Variants in RBL2 observed in about 807,000 individuals in gnomAD.
RBL2 encodes the protein retinoblastoma-like protein 2.
A neutral mutation model predicts 126.0 loss-of-function variants in RBL2; 56 were observed. The observed-to-expected ratio is 0.44, with a 90% CI of 0.36 to 0.56. RBL2 has a LOEUF of 0.56. RBL2 is among the 20% of genes least tolerant of loss of function. The pLI is 0.00. For synonymous variants in RBL2, 454 were observed against 478.5 expected (o/e 0.95, Z 0.67); for missense variants, 1,229 against 1,398.2 (o/e 0.88, Z 1.93).
At chr16:53,453,816 T>A (rs533009004) in intron 7 of RBL2, 47 bp downstream of exon 7, 120 of 1,439,100 alleles carry the variant, frequency 8.3e-5, no homozygotes, top group Admixed American at 7.1e-4. Flanking sequence ...ATTGTATACT[T>A]AGGAAACTTC....
Position 53,435,736 on chromosome 16 carries a change from C to T in RBL2, c.240+940C>T, listed in dbSNP as rs769360524. 9 of 1,287,962 alleles carry T rather than the reference C, an allele frequency of 7.0e-6. 1 individual carries two copies. The highest frequency in any genetic ancestry group is 2.1e-4 in the Middle Eastern group (1 of 4,692). The allele number at this position is 1,287,962 out of a possible 1,614,324, so 79.8% of individuals were successfully genotyped here. A position where few individuals can be genotyped will look rare whatever the true frequency, so the allele number is the denominator to read the frequency against. ...GGCAAATAGGTCCAGGATGCAAAGC[C>T]TAACCAAGGTATTATTTAAATATGA... On this transcript the variant is annotated intron_variant, in intron 1 of 21. Coordinates refer to ENST00000262133, the MANE Select transcript of RBL2 (RefSeq NM_005611.4).
Position 53,479,991 on chromosome 16 carries a change from A to T in RBL2, c.2881A>T (p.Thr961Ser). The change falls in exon 19 of 22, where the codon ACC becomes TCC. Residue 961 changes from threonine (T) to serine (S), a missense_variant and splice_region_variant. By Grantham distance (58) the Thr-to-Ser change is moderately conservative. Around this residue, in one of 2 missense-constraint regions of RBL2, gnomAD observed 1,070 missense variants for 1,274.3 expected, o/e 0.84. Coordinates refer to ENST00000262133, the MANE Select transcript of RBL2 (RefSeq NM_005611.4). Reference protein sequence around the residue: ...NSPTELNKDRTSRDSSPVMRS... With the variant: ...NSPTELNKDRSSRDSSPVMRS... ...TCCAACAGAACTAAACAAAGATAGA[A>T]GTAAGTGGGATCTTTGTGAACTACA... 6.3e-7 allele frequency: 1 copy of T among 1,579,866 alleles called. No homozygotes were observed. Among genetic ancestry groups the T allele is most frequent in the Non-Finnish European group, 8.6e-7 (1 of 1,157,200 alleles).
intron 2 of RBL2, among the ~76,000 whole-genome samples, chr16:53,439,623 T>C (rs945176121): frequency 2.0e-5 from 3 of 152,166 alleles, no homozygotes; most frequent in African/African-American, 7.2e-5. Context: ...GGGTCAAATA[T>C]GTTTAAAAGA....
rs1377226674 is a variant in RBL2, at chr16:53,461,870, T to C, written c.1456+20T>C. On this transcript the variant is annotated intron_variant, in intron 10 of 21. Coordinates refer to ENST00000262133, the MANE Select transcript of RBL2 (RefSeq NM_005611.4). ...CTAAAGGTAAGGTTTAACATTGTTA[T>C]TCTGCTTTTATGTTTGAAGTTTAAC... 1.3e-6 allele frequency: 2 copies of C among 1,574,298 alleles called. No homozygotes were observed. The highest frequency in any genetic ancestry group is 1.7e-4 in the Middle Eastern group (1 of 5,976).
At chr16:53,449,592 A>G (rs1046426016) in intron 4 of RBL2, 3 of 150,950 alleles carry the variant, frequency 2.0e-5, no homozygotes, top group African/African-American at 7.3e-5. Context: ...TCTCGAAAAA[A>G]AAAAAAAAAA....
chr16:53,457,257 G>GTTTTTTTTTTTTTTTTT (rs1555566417), intron 8 of RBL2, among the ~76,000 whole-genome samples: 10 of 70,592 alleles, frequency 1.4e-4, no homozygotes, highest in African/African-American at 4.4e-4. Flanking sequence ...GGTACAGATA[G>GTTTTTTTTTTTTTTTTT]CTTTTTTTTT....
chr16:53,485,347 T>C (rs1327076307), intron 21 of RBL2, among the ~76,000 whole-genome samples: 2 of 152,188 alleles, frequency 1.3e-5, no homozygotes, highest in South Asian at 2.1e-4. Context: ...TTAGAAAATA[T>C]TTTGAACTAA....
At chr16:53,435,530 A>G (rs978164608) in intron 1 of RBL2, 1 of 1,181,468 alleles carries the variant, frequency 8.5e-7, no homozygotes, top group Non-Finnish European at 1.1e-6. Flanking sequence ...CTTGCAGATG[A>G]GAAAAATGGC....
At chr16:53,464,391 G>T in intron 12 of RBL2, 28 bp downstream of exon 12, 2 of 1,527,932 alleles carry the variant, frequency 1.3e-6, no homozygotes, top group Non-Finnish European at 1.8e-6. Flanking sequence ...ATACTAATGG[G>T]GATATTGTAG....
rs1369540045 is a variant in RBL2 at position 53,464,208 on chromosome 16, A to G, written c.1561-18A>G. 4 of 1,524,496 alleles carry G rather than the reference A, an allele frequency of 2.6e-6. No homozygotes were observed. The African/African-American group carries it at 5.7e-5, about 22-fold the overall frequency. 94.4% of individuals were successfully genotyped at this position (1,524,496 alleles called of 1,614,324 possible). On this transcript the variant is annotated intron_variant, in intron 11 of 21. Coordinates refer to ENST00000262133, the MANE Select transcript of RBL2 (RefSeq NM_005611.4). ...AGACTAAGTAAATGTTTCTAATGCT[A>G]ATAACTTTATTTTATAGGGTATTCT...
intron 17 of RBL2, among the ~76,000 whole-genome samples, chr16:53,472,381 G>A (rs1319778516): frequency 3.3e-5 from 5 of 152,164 alleles, no homozygotes. Flanking sequence ...ATTGCTACCA[G>A]TAATGCACAA....
intron 21 of RBL2, chr16:53,487,508 T>C (rs1219408262): frequency 1.3e-5 from 2 of 152,162 alleles, no homozygotes; most frequent in African/African-American, 4.8e-5. Context: ...AATAGTAAAC[T>C]TGTTCCCATA....
intron 4 of RBL2, among the ~76,000 whole-genome samples, chr16:53,447,729 A>G (rs1283172159): frequency 6.6e-6 from 1 of 151,182 alleles, no homozygotes; most frequent in African/African-American, 2.5e-5. Flanking sequence ...ACTGCAGCCT[A>G]CACCTCCCAG....
chr16:53,478,513 T>C (rs2150822685), intron 17 of RBL2, among the ~76,000 whole-genome samples: 1 of 149,918 alleles, frequency 6.7e-6, no homozygotes, highest in East Asian at 2.0e-4. Flanking sequence ...GTTCCTCAGA[T>C]CACACAATCT....
chr16:53,484,028 TAAG>T (rs1404423528), intron 21 of RBL2, among the ~76,000 whole-genome samples: 1 of 151,706 alleles, frequency 6.6e-6, no homozygotes, highest in African/African-American at 2.4e-5. Flanking sequence ...CGATTCTGAA[TAAG>T]AAGACCAAAT....
At chr16:53,485,366 G>A (rs1386063004) in intron 21 of RBL2, among the ~76,000 whole-genome samples, 1 of 152,132 alleles carries the variant, frequency 6.6e-6, no homozygotes, top group Non-Finnish European at 1.5e-5. Context: ...AAATGAAAAT[G>A]AAAATCCAAA....
chr16:53,437,109 A>G (rs983071241), intron 1 of RBL2, among the ~76,000 whole-genome samples: 3 of 151,886 alleles, frequency 2.0e-5, no homozygotes, highest in Non-Finnish European at 2.9e-5. Flanking sequence ...GAGCCAAAAT[A>G]GAACATTATA....
chr16:53,447,474 T>G (rs1031124810), intron 4 of RBL2, among the ~76,000 whole-genome samples: 1 of 152,206 alleles, frequency 6.6e-6, no homozygotes, highest in Non-Finnish European at 1.5e-5. Context: ...CTGATCAACC[T>G]CAGAGCTGTT....
rs1380021794 is a variant in RBL2, at chr16:53,490,897, G to A, written c.*597G>A. ...CAGTGTGAAAAGTCCTTGATTGTTC[G>A]GGTGTGCAATGTCTGAGTGAACCTG... On this transcript the variant is annotated 3_prime_UTR_variant, in exon 22 of 22. Coordinates refer to ENST00000262133, the MANE Select transcript of RBL2 (RefSeq NM_005611.4). 6.6e-6 allele frequency: 1 copy of A among 152,528 alleles called. No homozygotes were observed. The highest frequency in any genetic ancestry group is 1.5e-5 in the Non-Finnish European group (1 of 68,020). 9.4% of individuals were successfully genotyped at this position (152,528 alleles called of 1,614,324 possible). A position where few individuals can be genotyped will look rare whatever the true frequency, so the allele number is the denominator to read the frequency against.
Sources: allele counts gnomAD v4.1 joint callset (sites outside exome capture counted in the v4.1 genomes callset), GRCh38; gene constraint gnomAD v4.1.1; regional missense constraint gnomAD v4.1.1; transcripts MANE v1.5; gene names NCBI Gene and HGNC (gene_info 2026-07-23, HGNC 2026-07-21).